TTC19: variants seen among roughly 807,000 people sequenced by gnomAD.
TTC19 encodes tetratricopeptide repeat domain 19, also known as tetratricopeptide repeat protein 19, mitochondrial.
In TTC19, 38 loss-of-function variants were observed where a neutral mutation model predicts 49.5. The ratio of observed to expected loss-of-function variants is 0.77; its 90% CI spans 0.59 to 1.01. The LOEUF is 1.01. TTC19 is among the 50% of genes least tolerant of loss of function. The pLI is 0.00. For missense variants in TTC19, 475 were observed against 477.7 expected (o/e 0.99, Z 0.05); for synonymous variants, 204 against 185.2 (o/e 1.10, Z -0.83).
downstream of TTC19, chr17:16,030,597 A>ACCAACTTT (rs1231165835): frequency 5.5e-6 from 1 of 180,484 alleles, no homozygotes; most frequent in East Asian, 9.1e-5. Flanking sequence ...TGTAAAAAAT[A>ACCAACTTT]CCAACTTTCC....
At chr17:16,007,778 A>G (rs1970955296) in intron 7 of TTC19, among the ~76,000 whole-genome samples, 1 of 152,202 alleles carries the variant, frequency 6.6e-6, no homozygotes, top group African/African-American at 2.4e-5. Context: ...TTAAAAACTT[A>G]CGGATTATTT....
exon 3 of TTC19, chr17:16,044,583 C>G: frequency 1.9e-6 from 1 of 537,258 alleles, no homozygotes; most frequent in South Asian, 1.5e-5. Flanking sequence ...GCAACTACCA[C>G]CACGTCCGGC....
chr17:16,009,010 C>T (rs1157269632), intron 7 of TTC19, among the ~76,000 whole-genome samples: 4 of 152,028 alleles, frequency 2.6e-5, no homozygotes, highest in Admixed American at 1.3e-4. Context: ...AGGATAGAGA[C>T]TTCATCCATT....
intron 7 of TTC19, among the ~76,000 whole-genome samples, chr17:16,016,229 A>G (rs1971210890): frequency 6.6e-6 from 1 of 152,098 alleles, no homozygotes; most frequent in African/African-American, 2.4e-5. Context: ...GTATTTTCCA[A>G]TTTTGGGGGG....
At chr17:16,025,649 A>T (rs1429185734) in intron 8 of TTC19, among the ~76,000 whole-genome samples, 1 of 152,234 alleles carries the variant, frequency 6.6e-6, no homozygotes, top group Non-Finnish European at 1.5e-5. Flanking sequence ...TATAACGTGT[A>T]AAGCTCTGTG....
chr17:16,043,242 CT>C (rs2058067747), intron 2 of TTC19, among the ~76,000 whole-genome samples: 1 of 152,222 alleles, frequency 6.6e-6, no homozygotes, highest in Admixed American at 6.5e-5. Flanking sequence ...CTTGGGAACA[CT>C]GGATTCAGAT....
At chr17:16,037,862 C>T (rs951427845) in intron 2 of TTC19, among the ~76,000 whole-genome samples, 1 of 152,178 alleles carries the variant, frequency 6.6e-6, no homozygotes, top group Non-Finnish European at 1.5e-5. Context: ...TCAAAAAGAG[C>T]TCAGAAGAGA....
chr17:16,014,335 T>G (rs1187370777), intron 7 of TTC19, among the ~76,000 whole-genome samples: 4 of 152,210 alleles, frequency 2.6e-5, no homozygotes, highest in Non-Finnish European at 5.9e-5. Flanking sequence ...GTGAGTCATG[T>G]GAGAAAAGAA....
In TTC19 at chr17:16,015,448, C is replaced by T. The variant is rs150768879; in HGVS notation, c.676+8880C>T. Among the ~76,000 whole-genome samples the T allele has an allele frequency of 1.8e-4, 28 of 152,250 alleles. No homozygotes were observed. The East Asian group carries it at 5.0e-3, about 27-fold the overall frequency. ...TTTTTAAAGCATATTTTACACTACT[C>T]TTACGTATCTGAGATCCTCTTCCTT... On this transcript the variant is annotated intron_variant, in intron 7 of 9. Transcript: ENST00000261647.
rs757875189 is a variant in TTC19 at position 16,000,203 on chromosome 17, C to T, written c.270C>T (p.Asp90=). 4 of 1,594,384 alleles carry T rather than the reference C, an allele frequency of 2.5e-6. No individual in the cohort carries two copies. Among genetic ancestry groups the T allele is most frequent in the Non-Finnish European group, 3.4e-6 (4 of 1,178,898 alleles). The stretch of plus-strand genomic sequence containing the variant: ...GGGCCGCTGCCGAGGACGGGGCGGA[C>T]GAGGCCGAGGCAGAGATCATCCAGC... ...ADGAAAEDGA[D]EAEAEIIQLL... is the part of the protein sequence containing the mutation. The change falls in exon 2 of 10, where the codon GAC becomes GAT. Residue 90 remains aspartate, a synonymous_variant. Transcript: ENST00000261647.
chr17:16,029,938 G>C, downstream of TTC19: 1 of 157,132 alleles, frequency 6.4e-6, no homozygotes. Context: ...GATCTGACAT[G>C]TTCTCAGAAA....
chr17:16,032,459 G>A, downstream of TTC19: 6 of 1,596,150 alleles, frequency 3.8e-6, no homozygotes, highest in Non-Finnish European at 5.1e-6. Context: ...CATAGTCAGA[G>A]GGTTATAAGG....
chr17:16,005,508 A>AGAAC (rs11371110), intron 6 of TTC19, among the ~76,000 whole-genome samples: 1 of 152,036 alleles, frequency 6.6e-6, no homozygotes, highest in Admixed American at 6.5e-5. Flanking sequence ...AAACTGAAGA[A>AGAAC]AAGAACCAAA....
rs1199563089 is a variant in TTC19 at position 16,029,171 on chromosome 17, TTTTA to T, written c.*1660_*1663del. The T allele has an allele frequency of 6.6e-6, 3 of 453,116 alleles. No individual in the cohort carries two copies. The highest frequency in any genetic ancestry group is 1.6e-5 in the South Asian group (1 of 64,086). 28.1% of individuals were successfully genotyped at this position (453,116 alleles called of 1,614,324 possible). Reference sequence around the variant, plus strand: ...TTACTGAAAGGTTTTTCATTCCAAGTTTTATTTATTTATTAATTTTAAATCATCC... The same window carrying T: ...TTACTGAAAGGTTTTTCATTCCAAGTTTTATTTATTAATTTTAAATCATCC... On this transcript the variant is annotated 3_prime_UTR_variant, in exon 10 of 10. Coordinates refer to ENST00000261647, the MANE Select transcript of TTC19 (RefSeq NM_017775.4).
chr17:16,020,698 T>C (rs1971351674), intron 7 of TTC19, among the ~76,000 whole-genome samples: 1 of 152,020 alleles, frequency 6.6e-6, no homozygotes, highest in Non-Finnish European at 1.5e-5. Flanking sequence ...AGACAAGGTC[T>C]TCCTTTGTTG....
At chr17:16,044,431 CTTTCT>C (rs1448224716) in intron 2 of TTC19, 1 of 471,580 alleles carries the variant, frequency 2.1e-6, no homozygotes, top group Non-Finnish European at 4.4e-6. Context: ...CCCCACTTTC[CTTTCT>C]TTTGACAGGA....
chr17:16,030,993 G>A (rs1971880544), downstream of TTC19: 4 of 196,292 alleles, frequency 2.0e-5, no homozygotes, highest in East Asian at 7.9e-5. Context: ...TAGTATCTAT[G>A]TTATAGAAAG....
At chr17:16,038,289 T>C (rs1246703230) in intron 2 of TTC19, among the ~76,000 whole-genome samples, 1 of 152,210 alleles carries the variant, frequency 6.6e-6, no homozygotes, top group Non-Finnish European at 1.5e-5. Flanking sequence ...GTGCTTGTTT[T>C]TAACAGAATG....
intron 2 of TTC19, among the ~76,000 whole-genome samples, chr17:16,042,966 TTA>T (rs2058016275): frequency 1.3e-5 from 2 of 152,002 alleles, no homozygotes; most frequent in Non-Finnish European, 2.9e-5. Context: ...ATGACTCAAA[TTA>T]TAAGACATGA....
Sources: allele counts gnomAD v4.1 joint callset (sites outside exome capture counted in the v4.1 genomes callset), GRCh38; gene constraint gnomAD v4.1.1; transcripts MANE v1.5; gene names NCBI Gene and HGNC (gene_info 2026-07-23, HGNC 2026-07-21).